MCPH1: variants seen among roughly 807,000 people sequenced by gnomAD.
MCPH1 encodes microcephalin.
MCPH1 carries 104 observed loss-of-function variants against 84.5 expected under a neutral mutation model. That is an observed-to-expected ratio of 1.23 (90% CI 1.05 to 1.45). MCPH1 has a LOEUF of 1.45. Among genes scored for constraint, MCPH1 ranks in the 40% most tolerant of loss-of-function variants. The pLI, the probability that MCPH1 is intolerant of heterozygous loss-of-function variation, is 0.00. For synonymous variants in MCPH1, 514 were observed against 366.8 expected, an observed-to-expected ratio of 1.40 and a Z score of -4.58; for missense variants, 1,498 against 1,005.7, an observed-to-expected ratio of 1.49 and a Z score of -6.62.
At chr8:6,506,083 T>C (rs998912892) in intron 12 of MCPH1, among the ~76,000 whole-genome samples, 2 of 150,804 alleles carry the variant, frequency 1.3e-5, no homozygotes, top group Admixed American at 1.3e-4. Context: ...GTTTGTTATT[T>C]CATCCAGGTT....
chr8:6,578,773 ATG>A (rs1827315096), intron 12 of MCPH1, among the ~76,000 whole-genome samples: 1 of 152,216 alleles, frequency 6.6e-6, no homozygotes. Flanking sequence ...AGGCAGATCA[ATG>A]TAAAGGCAGG....
intron 12 of MCPH1, among the ~76,000 whole-genome samples, chr8:6,523,439 A>G (rs990477139): frequency 1.3e-5 from 2 of 152,252 alleles, no homozygotes; most frequent in African/African-American, 4.8e-5. Flanking sequence ...AATGAAGAGC[A>G]TACCACTTTT....
At chr8:6,438,641 G>T (rs376528082) in intron 5 of MCPH1, among the ~76,000 whole-genome samples, 6 of 152,218 alleles carry the variant, frequency 3.9e-5, no homozygotes, top group African/African-American at 1.4e-4. Context: ...TTTAACTTCT[G>T]TGTCTCAGTC....
chr8:6,607,103 A>C (rs921933152), intron 12 of MCPH1, among the ~76,000 whole-genome samples: 3 of 152,230 alleles, frequency 2.0e-5, no homozygotes, highest in African/African-American at 4.8e-5. Context: ...GGCATTTCAG[A>C]AAATCGCAAA....
At chr8:6,612,694 C>T (rs967536362) in intron 12 of MCPH1, among the ~76,000 whole-genome samples, 1 of 152,238 alleles carries the variant, frequency 6.6e-6, no homozygotes, top group African/African-American at 2.4e-5. Context: ...TGGGCGCCTC[C>T]TCCGCTCACA....
intron 13 of MCPH1, among the ~76,000 whole-genome samples, chr8:6,628,241 C>T (rs969294034): frequency 3.3e-5 from 5 of 152,124 alleles, no homozygotes; most frequent in Non-Finnish European, 1.5e-5. Context: ...GAGGCCGAAG[C>T]GGGCGGATCA....
At chr8:6,610,963 C>G (rs542639675) in intron 12 of MCPH1, among the ~76,000 whole-genome samples, 1 of 152,248 alleles carries the variant, frequency 6.6e-6, no homozygotes, top group South Asian at 2.1e-4. Context: ...GCGCTTGTGG[C>G]TTTGCTTGTC....
chr8:6,549,607 G>A (rs1823253241), intron 12 of MCPH1, among the ~76,000 whole-genome samples: 1 of 151,866 alleles, frequency 6.6e-6, no homozygotes, highest in Non-Finnish European at 1.5e-5. Context: ...TCTTGAGTTG[G>A]GCGGTCGTTA....
At chr8:6,630,399 T>C (rs979852238) in intron 13 of MCPH1, among the ~76,000 whole-genome samples, 2 of 152,196 alleles carry the variant, frequency 1.3e-5, no homozygotes, top group African/African-American at 4.8e-5. Flanking sequence ...ACAGGTAAGA[T>C]GGATGATTTT....
chr8:6,595,173 A>G (rs1828823540), intron 12 of MCPH1, among the ~76,000 whole-genome samples: 1 of 152,230 alleles, frequency 6.6e-6, no homozygotes, highest in African/African-American at 2.4e-5. Flanking sequence ...GCACCCACTC[A>G]GCTGCGAGGC....
intron 12 of MCPH1, among the ~76,000 whole-genome samples, chr8:6,530,035 T>C (rs1807209): frequency 0.38 from 58,361 of 151,914 alleles, 11,488 homozygotes; most frequent in African/African-American, 0.4. Flanking sequence ...TTTTGCCAAG[T>C]TCCCATGCTT....
chr8:6,529,892 T>G (rs565540572), intron 12 of MCPH1, among the ~76,000 whole-genome samples: 1 of 151,612 alleles, frequency 6.6e-6, no homozygotes, highest in Non-Finnish European at 1.5e-5. Flanking sequence ...GTTTTTTTTT[T>G]AAATCATATG....
At chr8:6,421,183 C>G (rs1800142220) in intron 3 of MCPH1, among the ~76,000 whole-genome samples, 1 of 152,146 alleles carries the variant, frequency 6.6e-6, no homozygotes, top group Non-Finnish European at 1.5e-5. Context: ...ATGTGCATGC[C>G]CGGGAAATGG....
intron 12 of MCPH1, among the ~76,000 whole-genome samples, chr8:6,542,025 A>T (rs1346661951): frequency 6.6e-6 from 1 of 151,446 alleles, no homozygotes; most frequent in African/African-American, 2.4e-5. Flanking sequence ...AAAAAAAAAA[A>T]GTACTGAATG....
At position 6,521,207 on chromosome 8, in the gene MCPH1, T is replaced by A. The variant is rs374966371; in HGVS notation, c.2214+21278T>A. 9.0e-5 allele frequency: 146 copies of A among 1,613,722 alleles called. No homozygotes were observed. The East Asian group carries it at 2.0e-3, about 22-fold the overall frequency. ...TGATGTGGACATCATAGTCAGTAAG[T>A]TATTAACTGTCTCCATGAGATCATG... On this transcript the variant is annotated intron_variant, in intron 12 of 13. Coordinates refer to ENST00000344683, the MANE Select transcript of MCPH1 (RefSeq NM_024596.5).
chr8:6,407,703 T>G (rs943473292), intron 1 of MCPH1, among the ~76,000 whole-genome samples: 42 of 152,226 alleles, frequency 2.8e-4, no homozygotes, highest in African/African-American at 1.0e-3. Context: ...CTTTTAGCGT[T>G]ACCCCCAATC....
intron 12 of MCPH1, among the ~76,000 whole-genome samples, chr8:6,555,355 C>T (rs1481180131): frequency 6.6e-6 from 1 of 152,174 alleles, no homozygotes; most frequent in Non-Finnish European, 1.5e-5. Context: ...AGCGTTTCCC[C>T]CTGTCAACTT....
chr8:6,576,089 A>G (rs1031106720), intron 12 of MCPH1, among the ~76,000 whole-genome samples: 1 of 151,898 alleles, frequency 6.6e-6, no homozygotes, highest in African/African-American at 2.4e-5. Flanking sequence ...AGGAATTAAA[A>G]TATAACGCTA....
intron 12 of MCPH1, among the ~76,000 whole-genome samples, chr8:6,580,175 G>C (rs79226211): frequency 2.6e-5 from 4 of 152,174 alleles, no homozygotes; most frequent in South Asian, 4.1e-4. Flanking sequence ...TTGGGCTGGG[G>C]AATGGTCTGA....
Sources: allele counts gnomAD v4.1 joint callset (sites outside exome capture counted in the v4.1 genomes callset), GRCh38; gene constraint gnomAD v4.1.1; transcripts MANE v1.5; gene names NCBI Gene and HGNC (gene_info 2026-07-23, HGNC 2026-07-21).